TCEA1: variants seen among roughly 807,000 people sequenced by gnomAD.
TCEA1 encodes the protein transcription elongation factor A protein 1.
In TCEA1, 21 loss-of-function variants were observed where a neutral mutation model predicts 43.8. The ratio of observed to expected loss-of-function variants is 0.48; its 90% CI spans 0.34 to 0.69. The LOEUF (loss-of-function observed/expected upper bound fraction) is 0.69. Among genes scored for constraint, TCEA1 ranks in the 30% least tolerant of loss-of-function variants. TCEA1 has a pLI of 0.01. For missense variants in TCEA1, 250 were observed against 365.1 expected (o/e 0.68, Z 2.57); for synonymous variants, 104 against 117.5 (o/e 0.88, Z 0.75).
At chr8:53,981,927 C>CTTTTT (rs35034211) in intron 7 of TCEA1, among the ~76,000 whole-genome samples, 14 of 128,162 alleles carry the variant, frequency 1.1e-4, no homozygotes, top group African/African-American at 2.0e-4. Flanking sequence ...GCTAAGTTTT[C>CTTTTT]TTTTTTTTTT....
chr8:53,993,550 T>A (rs1029971947), intron 4 of TCEA1, 118 bp downstream of exon 4: 9 of 739,552 alleles, frequency 1.2e-5, no homozygotes, highest in Non-Finnish European at 1.8e-5. Flanking sequence ...ATTTACTACT[T>A]CCATTTGATT....
In TCEA1 at chr8:54,013,696, A is replaced by C. The variant is rs530389181; in HGVS notation, c.64-3204T>G. ...ACTCCATCTCAAAAAAAAAAAAAAA[A>C]AAAAAACAAAAAACAGACAAACAAA... On this transcript the variant is annotated intron_variant, in intron 1 of 9. Coordinates refer to ENST00000521604, the MANE Select transcript of TCEA1 (RefSeq NM_006756.4). Among the ~76,000 whole-genome samples the C allele has an allele frequency of 2.4e-3, 359 of 147,962 alleles. 1 individual carries two copies. The highest frequency in any genetic ancestry group is 4.3e-3 in the African/African-American group (165 of 38,480).
In TCEA1 at chr8:53,986,984, A is replaced by C; in HGVS notation, c.508T>G (p.Ser170Ala). 1 of 1,598,350 alleles carries C rather than the reference A, an allele frequency of 6.3e-7. No individual in the cohort carries two copies. The highest frequency in any genetic ancestry group is 8.5e-7 in the Non-Finnish European group (1 of 1,172,980). The change falls in exon 6 of 10, where the codon TCT (serine) becomes GCT (alanine). Residue 170 changes from serine (S) to alanine (A), a missense_variant. Around this residue, in one of 4 missense-constraint regions of TCEA1, gnomAD observed 147 missense variants for 160.3 expected, o/e 0.92. Transcript: ENST00000521604. ...CAAAGGATATCTTCTTCAATTTGAGATCCTAATTCTTCCTCATCAGCTCCA... is the reference window on the plus strand; with the variant it reads ...CAAAGGATATCTTCTTCAATTTGAGCTCCTAATTCTTCCTCATCAGCTCCA... ...AIGADEEELGSQIEEAIYQEI... is the reference protein window; with the variant it reads ...AIGADEEELGAQIEEAIYQEI...
At chr8:53,980,173 A>G (rs1299985718) in intron 7 of TCEA1, among the ~76,000 whole-genome samples, 1 of 152,208 alleles carries the variant, frequency 6.6e-6, no homozygotes, top group Admixed American at 6.5e-5. Context: ...TAGTATCCAG[A>G]TTATAGTTTC....
chr8:53,997,678 C>T (rs932605256), intron 3 of TCEA1, among the ~76,000 whole-genome samples: 2 of 152,170 alleles, frequency 1.3e-5, no homozygotes, highest in African/African-American at 4.8e-5. Flanking sequence ...CAGGTTGGAT[C>T]GCTTGAGCCC....
At position 54,009,802 on chromosome 8, in the gene TCEA1, T is replaced by C. The variant is rs75130741; in HGVS notation, c.126+628A>G. On this transcript the variant is annotated intron_variant, in intron 2 of 9. Transcript: ENST00000521604. ...TAATAAAACATTATATATTTCAAAATAGCGAGAAGAGAGGGCTTGAAATGC... is the reference window on the plus strand; with the variant it reads ...TAATAAAACATTATATATTTCAAAACAGCGAGAAGAGAGGGCTTGAAATGC... The C allele has an allele frequency of 1.6e-3, 251 of 152,244 alleles. 3 individuals are homozygous for C. The highest frequency in any genetic ancestry group is 2.6e-3 in the Non-Finnish European group (175 of 68,070). The allele number at this position is 152,244 out of a possible 1,614,324, so 9.4% of individuals were successfully genotyped here. A position where few individuals can be genotyped will look rare whatever the true frequency, so the allele number is the denominator to read the frequency against.
At chr8:54,018,795 G>A (rs1253683231) in intron 1 of TCEA1, among the ~76,000 whole-genome samples, 1 of 152,136 alleles carries the variant, frequency 6.6e-6, no homozygotes, top group Non-Finnish European at 1.5e-5. Context: ...AAACACACCT[G>A]CCCCAAAACA....
Position 53,986,977 on chromosome 8 carries a change from A to G in TCEA1, c.515T>C (p.Ile172Thr). 1.3e-6 allele frequency: 2 copies of G among 1,595,704 alleles called. No individual in the cohort carries two copies. ...ATACACACAAAGGATATCTTCTTCA[A>G]TTTGAGATCCTAATTCTTCCTCATC... ...GADEEELGSQ[I>T]EEAIYQEIRN... The change falls in exon 6 of 10, where the codon ATT becomes ACT. Residue 172 changes from isoleucine to threonine, a missense_variant. Coordinates refer to ENST00000521604, the MANE Select transcript of TCEA1 (RefSeq NM_006756.4).
At chr8:53,972,709 G>A (rs965934666) in intron 8 of TCEA1, 11 of 665,308 alleles carry the variant, frequency 1.7e-5, no homozygotes, top group Non-Finnish European at 3.2e-5. Context: ...AAAAAGGACT[G>A]GACCTCTAGA....
intron 6 of TCEA1, 85 bp downstream of exon 6, chr8:53,986,884 T>C (rs1803705218): frequency 9.7e-7 from 1 of 1,030,380 alleles, no homozygotes; most frequent in Non-Finnish European, 1.4e-6. Context: ...GACTACTGCA[T>C]GTAAAACCGT....
In TCEA1 at chr8:53,967,933, A is replaced by G; in HGVS notation, c.*171T>C. On this transcript the variant is annotated 3_prime_UTR_variant, in exon 10 of 10. Transcript: ENST00000521604. ...AAATTATTATATGGTCTCCCTACTG[A>G]TCTGAAACTACAGAAGGCATTTAAG... The G allele has an allele frequency of 4.0e-6, 2 of 496,766 alleles. No individual in the cohort carries two copies. Among genetic ancestry groups the G allele is most frequent in the South Asian group, 4.7e-5 (1 of 21,372 alleles). 30.8% of individuals were successfully genotyped at this position (496,766 alleles called of 1,614,324 possible). A position where few individuals can be genotyped will look rare whatever the true frequency, so the allele number is the denominator to read the frequency against.
chr8:53,996,993 G>A (rs1347796657), intron 3 of TCEA1, among the ~76,000 whole-genome samples: 3 of 148,308 alleles, frequency 2.0e-5, no homozygotes, highest in Non-Finnish European at 3.0e-5. Flanking sequence ...TCCGCCTCCC[G>A]GGTTCACGCC....
At chr8:54,010,313 G>T in intron 2 of TCEA1, 117 bp downstream of exon 2, 2 of 741,690 alleles carry the variant, frequency 2.7e-6, no homozygotes, top group Non-Finnish European at 4.4e-6. Flanking sequence ...AAAAATAGCA[G>T]TTAGTAATGG....
At chr8:54,004,783 A>T (rs936724907) in intron 2 of TCEA1, among the ~76,000 whole-genome samples, 6 of 105,544 alleles carry the variant, frequency 5.7e-5, no homozygotes, top group South Asian at 2.9e-4. Context: ...AATACTGTTT[A>T]AAAAAAAAAA....
In TCEA1 at chr8:54,000,059, C is replaced by G. The variant is rs777762474; in HGVS notation, c.127-9G>C. On this transcript the variant is annotated splice_polypyrimidine_tract_variant and intron_variant, in intron 2 of 9. Transcript: ENST00000521604. ...ATTCCGATTCTTGTGGACTGCAAGG[C>G]AATAACAAAAAAATTATGTATACCA... The G allele has an allele frequency of 6.7e-7, 1 of 1,497,640 alleles. No individual in the cohort carries two copies. The highest frequency in any genetic ancestry group is 2.4e-5 in the East Asian group (1 of 42,130). The allele number at this position is 1,497,640 out of a possible 1,614,324, so 92.8% of individuals were successfully genotyped here.
chr8:54,022,198 G>A lies in TCEA1; in HGVS notation c.-73C>T. On this transcript the variant is annotated 5_prime_UTR_variant, in exon 1 of 10. Transcript: ENST00000521604. ...GGGCGAAGCTGGAGCGGAAGACACA[G>A]CAGGAGCGACCCCCGGCGCGCAGCA... is the stretch of plus-strand genomic sequence containing the variant. 3 of 1,510,518 alleles carry A rather than the reference G, an allele frequency of 2.0e-6. No homozygotes were observed. Among genetic ancestry groups the A allele is most frequent in the South Asian group, 1.1e-5 (1 of 87,796 alleles). 93.6% of individuals were successfully genotyped at this position (1,510,518 alleles called of 1,614,324 possible).
chr8:54,003,109 T>C (rs563598466), intron 2 of TCEA1: 19 of 456,282 alleles, frequency 4.2e-5, no homozygotes, highest in African/African-American at 2.4e-4. Flanking sequence ...GTAAAAAACA[T>C]ATAGCTACTG....
At chr8:53,976,585 A>G (rs890596419) in intron 8 of TCEA1, among the ~76,000 whole-genome samples, 3 of 152,226 alleles carry the variant, frequency 2.0e-5, no homozygotes, top group Non-Finnish European at 2.9e-5. Context: ...TCCTTTTGCT[A>G]AAAGAAACAA....
chr8:53,987,693 G>A (rs1398073056), intron 5 of TCEA1, among the ~76,000 whole-genome samples: 1 of 152,044 alleles, frequency 6.6e-6, no homozygotes, highest in African/African-American at 2.4e-5. Flanking sequence ...TATAAATCAA[G>A]ACTCACCCTC....
Sources: allele counts gnomAD v4.1 joint callset (sites outside exome capture counted in the v4.1 genomes callset), GRCh38; gene constraint gnomAD v4.1.1; regional missense constraint gnomAD v4.1.1; transcripts MANE v1.5; gene names NCBI Gene and HGNC (gene_info 2026-07-23, HGNC 2026-07-21).